The following PPP2R2D variants were observed in gnomAD, a reference collection of about 807,000 sequenced individuals.
The protein encoded by PPP2R2D is protein phosphatase 2 regulatory subunit Bdelta.
PPP2R2D carries 9 observed loss-of-function variants against 31.1 expected under a neutral mutation model. That is an observed-to-expected ratio of 0.29 (90% CI 0.17 to 0.51). The LOEUF is 0.51. PPP2R2D is among the 20% of genes least tolerant of loss of function. The pLI is 0.98. For missense variants in PPP2R2D, 391 were observed against 465.6 expected (o/e 0.84, Z 1.48); for synonymous variants, 179 against 172.6 (o/e 1.04, Z -0.29).
intron 2 of PPP2R2D, among the ~76,000 whole-genome samples, chr10:131,925,191 C>T (rs2036081209): frequency 1.3e-5 from 2 of 152,148 alleles, no homozygotes; most frequent in African/African-American, 4.8e-5. Context: ...AGAATGTTTA[C>T]TAGAAGTTAG....
chr10:131,932,661 A>AAAAAAAAAAAC (rs2036260642), intron 2 of PPP2R2D, among the ~76,000 whole-genome samples: 1 of 149,604 alleles, frequency 6.7e-6, no homozygotes, highest in Non-Finnish European at 1.5e-5. Context: ...AAAAAAAAAA[A>AAAAAAAAAAAC]AAAAAAACAC....
At chr10:131,907,028 G>A (rs900899880) in intron 2 of PPP2R2D, among the ~76,000 whole-genome samples, 6 of 151,688 alleles carry the variant, frequency 4.0e-5, no homozygotes, top group Non-Finnish European at 8.8e-5. Flanking sequence ...CTCCTATAAT[G>A]TCTTTTATAT....
At chr10:131,970,805 G>C in the PPP2R2D span, 1 of 1,614,224 alleles carries the variant, frequency 6.2e-7, no homozygotes, top group Non-Finnish European at 8.5e-7. This position sits in a 1 kb window ranked among gnomAD's most constrained non-coding sequence, Gnocchi z 4.1. Context: ...GGGAAGAAAC[G>C]TGTCAGCTGA....
At chr10:131,913,105 C>T (rs1485247550) in intron 2 of PPP2R2D, among the ~76,000 whole-genome samples, 1 of 152,054 alleles carries the variant, frequency 6.6e-6, no homozygotes. Context: ...TCACTGCAAC[C>T]TCCGCTTCCC....
At chr10:131,921,956 CCTTTTGTTTTTGGATAAAGACGTT>C (rs1251724126) in intron 2 of PPP2R2D, among the ~76,000 whole-genome samples, 26 of 152,112 alleles carry the variant, frequency 1.7e-4, no homozygotes, top group African/African-American at 6.0e-4. Context: ...AGTCAGACAG[CCTTTTGTTTTTGGATAAAGACGTT>C]CTCATTTTTC....
At chr10:131,965,228 G>GC in the PPP2R2D span, among the ~76,000 whole-genome samples, 1 of 152,082 alleles carries the variant, frequency 6.6e-6, no homozygotes, top group Non-Finnish European at 1.5e-5. Context: ...ATCTGACCAG[G>GC]CCTCTCTACT....
intron 2 of PPP2R2D, among the ~76,000 whole-genome samples, chr10:131,923,727 A>G: frequency 6.6e-6 from 1 of 152,042 alleles, no homozygotes; most frequent in Non-Finnish European, 1.5e-5. Flanking sequence ...ATATATATAT[A>G]TTTTTGGAAA....
At chr10:131,946,895 A>G (rs2036552326) in intron 7 of PPP2R2D, among the ~76,000 whole-genome samples, 1 of 151,930 alleles carries the variant, frequency 6.6e-6, no homozygotes, top group Non-Finnish European at 1.5e-5. Context: ...GAGCTTGTGT[A>G]TATTCAGTAT....
chr10:131,964,664 A>ATTTTTTTTTTTTTTTTTT (rs782297365), downstream of PPP2R2D, among the ~76,000 whole-genome samples: 6 of 126,752 alleles, frequency 4.7e-5, 1 homozygote, highest in Non-Finnish European at 4.9e-5. Flanking sequence ...AGAGTTTACT[A>ATTTTTTTTTTTTTTTTTT]TGTTTTTTTT....
Position 131,947,726 on chromosome 10 carries a change from C to G in PPP2R2D, c.1017C>G (p.Leu339=), listed in dbSNP as rs201790987. Residue 339 remains leucine (L), a synonymous_variant, in exon 8 of 9, where the codon CTC becomes CTG. Coordinates refer to ENST00000455566, the MANE Select transcript of PPP2R2D (RefSeq NM_018461.5). This position sits in a 1 kb window ranked among gnomAD's most constrained non-coding sequence, Gnocchi z 4.3. ...HQVHEYLRSK[L]CSLYENDCIF... ...TCCACGAGTACCTGCGCAGCAAGCT[C>G]TGCTCTCTCTATGAGAACGACTGCA... 4.4e-5 allele frequency: 71 copies of G among 1,614,090 alleles called. No homozygotes were observed. Among genetic ancestry groups the G allele is most frequent in the Non-Finnish European group, 5.6e-5 (66 of 1,180,048 alleles).
At chr10:131,918,383 A>T (rs1212967855) in intron 2 of PPP2R2D, among the ~76,000 whole-genome samples, 1 of 144,472 alleles carries the variant, frequency 6.9e-6, no homozygotes, top group Non-Finnish European at 1.5e-5. Flanking sequence ...TAGGGACCTC[A>T]GGCGGGTGGA....
At chr10:131,929,518 A>ACTCTTCT (rs2036171722) in intron 2 of PPP2R2D, among the ~76,000 whole-genome samples, 2 of 151,734 alleles carry the variant, frequency 1.3e-5, no homozygotes, top group South Asian at 4.2e-4. Context: ...AAGACTCGTC[A>ACTCTTCT]CTCTTCTCTC....
chr10:131,967,972 T>C, the PPP2R2D span: 1 of 152,672 alleles, frequency 6.5e-6, no homozygotes, highest in Admixed American at 6.5e-5. Context: ...TTTGTAGCTC[T>C]ATCTTGGTTT....
chr10:131,957,833 TC>T lies in PPP2R2D; in HGVS notation c.*1875del, dbSNP rs1356726593. On this transcript the variant is annotated 3_prime_UTR_variant, in exon 9 of 9. Coordinates refer to ENST00000455566, the MANE Select transcript of PPP2R2D (RefSeq NM_018461.5). Reference sequence around the variant, plus strand: ...CTGTGGAGATGAAGGTGTGTGCTGATCCCCCATCCCCATGTGGAGATGAAGG... The same window carrying T: ...CTGTGGAGATGAAGGTGTGTGCTGATCCCCATCCCCATGTGGAGATGAAGG... 5.4e-3 allele frequency: 755 copies of T among 139,714 alleles called. 6 individuals are homozygous for T. The highest frequency in any genetic ancestry group is 0.018 in the Middle Eastern group (4 of 228). 8.7% of individuals were successfully genotyped at this position (139,714 alleles called of 1,614,324 possible). A position where few individuals can be genotyped will look rare whatever the true frequency, so the allele number is the denominator to read the frequency against.
chr10:131,910,301 T>C (rs1316691456), intron 2 of PPP2R2D, among the ~76,000 whole-genome samples: 1 of 152,244 alleles, frequency 6.6e-6, no homozygotes, highest in Non-Finnish European at 1.5e-5. Context: ...TTGTTTTTTT[T>C]TCTAAATGTT....
In PPP2R2D at chr10:131,955,793, C is replaced by T; in HGVS notation, c.1192C>T (p.Leu398Phe). ...SRESSKPRAS[L>F]KPRKVCTGGK... ...AGAGAGCAGCAAACCGCGCGCCAGCCTCAAACCCCGGAAGGTGTGTACGGG... is the reference window on the plus strand; with the variant it reads ...AGAGAGCAGCAAACCGCGCGCCAGCTTCAAACCCCGGAAGGTGTGTACGGG... The change falls in exon 9 of 9, where the codon CTC becomes TTC. Residue 398 changes from leucine (L) to phenylalanine (F), a missense_variant. Leu to Phe is a conservative substitution (Grantham distance 22, BLOSUM62 0). Coordinates refer to ENST00000455566, the MANE Select transcript of PPP2R2D (RefSeq NM_018461.5). The T allele has an allele frequency of 6.9e-6, 11 of 1,599,122 alleles. No homozygotes were observed. The highest frequency in any genetic ancestry group is 9.4e-6 in the Non-Finnish European group (11 of 1,170,972).
intron 3 of PPP2R2D, among the ~76,000 whole-genome samples, chr10:131,937,130 A>G (rs2036358040): frequency 6.6e-6 from 1 of 152,194 alleles, no homozygotes; most frequent in South Asian, 2.1e-4. Flanking sequence ...CTAGTGAGTG[A>G]GCACCAGATT....
At chr10:131,905,341 T>C (rs930806632) in intron 2 of PPP2R2D, among the ~76,000 whole-genome samples, 4 of 152,218 alleles carry the variant, frequency 2.6e-5, no homozygotes, top group Non-Finnish European at 5.9e-5. Context: ...CTGGAAATTG[T>C]TAACTGTTGT....
rs1471473065 is a variant in PPP2R2D, at chr10:131,902,364, C to G, written c.100+1034C>G. Among the ~76,000 whole-genome samples, 9 of 152,124 alleles carry G rather than the reference C, an allele frequency of 5.9e-5. No individual in the cohort carries two copies. In the East Asian group the frequency reaches 1.5e-3, roughly 26 times the overall value. On this transcript the variant is annotated intron_variant, in intron 2 of 8. Coordinates refer to ENST00000455566, the MANE Select transcript of PPP2R2D (RefSeq NM_018461.5). ...TTCACTTCCCTCCATCTCGGCCCCC[C>G]CAACCCCGTGAACTTTTACTCCCTC...
Sources: gnomAD v4.1 joint callset for allele counts (sites outside exome capture counted in the v4.1 genomes callset) on GRCh38, gnomAD v4.1.1 for gene constraint, Gnocchi (gnomAD v3.1) non-coding constraint, MANE v1.5 for transcripts, NCBI Gene and HGNC (gene_info 2026-07-23, HGNC 2026-07-21) for gene names.